SPIN1: variants seen among roughly 807,000 people sequenced by gnomAD.
The protein encoded by SPIN1 is spindlin 1, also known as spindlin-1.
A neutral mutation model predicts 26.0 loss-of-function variants in SPIN1; 3 were observed. That is an observed-to-expected ratio of 0.12 (90% CI 0.05 to 0.30). The LOEUF is 0.30. Ranked by LOEUF, SPIN1 falls within the 10% of genes least tolerant of loss-of-function variation. SPIN1 has a pLI of 1.00. For missense variants in SPIN1, 126 were observed against 333.4 expected (o/e 0.38, Z 4.84); for synonymous variants, 101 against 116.5 (o/e 0.87, Z 0.86).
chr9:88,393,163 A>C (rs914389136), intron 1 of SPIN1, among the ~76,000 whole-genome samples: 1 of 107,558 alleles, frequency 9.3e-6, no homozygotes, highest in Non-Finnish European at 1.9e-5. Flanking sequence ...AAGGGAGGGG[A>C]GGAGGAAGAA....
At chr9:88,393,972 C>A (rs1826995818) in intron 1 of SPIN1, among the ~76,000 whole-genome samples, 1 of 152,096 alleles carries the variant, frequency 6.6e-6, no homozygotes, top group South Asian at 2.1e-4. Context: ...CTCAGCCTCC[C>A]AAGCAGCTGG....
intron 1 of SPIN1, among the ~76,000 whole-genome samples, chr9:88,424,322 A>T (rs1181891813): frequency 6.6e-6 from 1 of 152,156 alleles, no homozygotes; most frequent in Non-Finnish European, 1.5e-5. Context: ...AGTATTGTTG[A>T]ATGCACACTT....
chr9:88,440,964 C>T (rs767090067), intron 2 of SPIN1, among the ~76,000 whole-genome samples: 20 of 151,428 alleles, frequency 1.3e-4, no homozygotes, highest in Non-Finnish European at 2.4e-4. Context: ...AAGCCTACTT[C>T]GAAATAATAA....
At chr9:88,436,921 C>G (rs111473856) in intron 2 of SPIN1, among the ~76,000 whole-genome samples, 2 of 151,528 alleles carry the variant, frequency 1.3e-5, no homozygotes, top group Non-Finnish European at 2.9e-5. Context: ...CCCGCCACTA[C>G]GCCCGGCTAT....
At chr9:88,468,978 C>T (rs574566906) in intron 5 of SPIN1, among the ~76,000 whole-genome samples, 1 of 152,216 alleles carries the variant, frequency 6.6e-6, no homozygotes, top group Non-Finnish European at 1.5e-5. Context: ...ATCTGTTAGT[C>T]CCCCCAGTGC....
intron 3 of SPIN1, 43 bp from the exon 4 acceptor site, chr9:88,462,453 A>C (rs1220559750): frequency 1.3e-6 from 2 of 1,592,200 alleles, no homozygotes; most frequent in African/African-American, 2.7e-5. Context: ...AGGCATGCAT[A>C]CTTTTGAGAT....
At chr9:88,415,910 A>ATTTTTTTT (rs34382784) in intron 1 of SPIN1, among the ~76,000 whole-genome samples, 2 of 131,712 alleles carry the variant, frequency 1.5e-5, no homozygotes, top group Non-Finnish European at 1.6e-5. Context: ...TGCTCGGCTA[A>ATTTTTTTT]TTTTTTTTTT....
chr9:88,467,039 A>G (rs751587784), intron 4 of SPIN1, among the ~76,000 whole-genome samples: 16 of 151,338 alleles, frequency 1.1e-4, no homozygotes, highest in Admixed American at 5.3e-4. Context: ...GCTTGTCTCT[A>G]ATTGTTTGTT....
At position 88,478,416 on chromosome 9, in the gene SPIN1, G is replaced by A. The variant is rs531084511; in HGVS notation, c.*3139G>A. 2 of 152,684 alleles carry A rather than the reference G, an allele frequency of 1.3e-5. No homozygotes were observed. The highest frequency in any genetic ancestry group is 3.9e-4 in the East Asian group (2 of 5,188). The allele number at this position is 152,684 out of a possible 1,614,324, so 9.5% of individuals were successfully genotyped here. A position where few individuals can be genotyped will look rare whatever the true frequency, so the allele number is the denominator to read the frequency against. On this transcript the variant is annotated 3_prime_UTR_variant, in exon 6 of 6. Coordinates refer to ENST00000375859, the MANE Select transcript of SPIN1 (RefSeq NM_006717.3). ...GTCTGTGGTTCCTTGGAAATGCTGC[G>A]CTCTTTGTGTTTTTCCATCATTAGT...
At chr9:88,396,720 A>G (rs960349543) in intron 1 of SPIN1, among the ~76,000 whole-genome samples, 2 of 152,118 alleles carry the variant, frequency 1.3e-5, no homozygotes, top group African/African-American at 4.8e-5. Context: ...TCCCTTAACA[A>G]TGGGATACAT....
chr9:88,445,518 TTTATTA>T (rs138265190), intron 2 of SPIN1, among the ~76,000 whole-genome samples: 6,126 of 134,550 alleles, frequency 0.046, 151 homozygotes, highest in Middle Eastern at 0.1. Flanking sequence ...TATTGAGACT[TTTATTA>T]TTATTATTAT....
intron 2 of SPIN1, among the ~76,000 whole-genome samples, chr9:88,438,017 G>A (rs1181898472): frequency 6.6e-6 from 1 of 152,072 alleles, no homozygotes; most frequent in Non-Finnish European, 1.5e-5. Flanking sequence ...CTGGCGTGGT[G>A]ATGCGCGCCT....
chr9:88,406,033 G>T (rs1256525562), intron 1 of SPIN1, among the ~76,000 whole-genome samples: 1 of 147,256 alleles, frequency 6.8e-6, no homozygotes, highest in African/African-American at 2.6e-5. Flanking sequence ...GTGTGTGTGT[G>T]TGTGTGTGTA....
At chr9:88,399,855 A>G (rs1327165196) in intron 1 of SPIN1, among the ~76,000 whole-genome samples, 1 of 152,362 alleles carries the variant, frequency 6.6e-6, no homozygotes, top group East Asian at 1.9e-4. Context: ...AGCTCAGGCT[A>G]CACGTAAGGG....
At chr9:88,430,788 G>A (rs1382171916) in intron 2 of SPIN1, among the ~76,000 whole-genome samples, 2 of 151,928 alleles carry the variant, frequency 1.3e-5, no homozygotes, top group Non-Finnish European at 2.9e-5. Flanking sequence ...TAGGGTATAT[G>A]GTAAAATTTT....
intron 2 of SPIN1, among the ~76,000 whole-genome samples, chr9:88,433,797 C>CT (rs1046557608): frequency 7.9e-5 from 12 of 152,148 alleles, no homozygotes; most frequent in Non-Finnish European, 1.6e-4. Flanking sequence ...TTGGTGGACT[C>CT]TCAGTGAAAT....
At chr9:88,470,655 C>T (rs965132592) in intron 5 of SPIN1, among the ~76,000 whole-genome samples, 23 of 149,264 alleles carry the variant, frequency 1.5e-4, no homozygotes, top group South Asian at 9.1e-4. Context: ...AGTGCATTGG[C>T]GTGATCTCAG....
At chr9:88,434,732 A>T (rs1827964725) in intron 2 of SPIN1, among the ~76,000 whole-genome samples, 1 of 151,962 alleles carries the variant, frequency 6.6e-6, no homozygotes, top group African/African-American at 2.4e-5. Flanking sequence ...TGGACGTGTG[A>T]GTTGTTTCTA....
chr9:88,394,988 T>C (rs999642822), intron 1 of SPIN1, among the ~76,000 whole-genome samples: 4 of 151,898 alleles, frequency 2.6e-5, no homozygotes, highest in African/African-American at 9.7e-5. Context: ...TTTTGTATTT[T>C]TAGTAGAGAC....
Sources: allele counts gnomAD v4.1 joint callset (sites outside exome capture counted in the v4.1 genomes callset), GRCh38; gene constraint gnomAD v4.1.1; transcripts MANE v1.5; gene names NCBI Gene and HGNC (gene_info 2026-07-23, HGNC 2026-07-21).